Variants in AUTS2 observed in about 807,000 individuals in gnomAD.
The protein encoded by AUTS2 is activator of transcription and developmental regulator AUTS2, also known as autism susceptibility gene 2 protein.
AUTS2 carries 17 observed loss-of-function variants against 112.4 expected under a neutral mutation model. That is an observed-to-expected ratio of 0.15 (90% CI 0.10 to 0.23). The LOEUF is 0.23. AUTS2 is among the 10% of genes least tolerant of loss of function. AUTS2 has a pLI of 1.00. For missense variants in AUTS2, 1,510 were observed against 1,701.6 expected (o/e 0.89, Z 1.98); for synonymous variants, 751 against 702.7 (o/e 1.07, Z -1.09).
chr7:70,525,410 T>TTGAATGAA (rs67682986), intron 5 of AUTS2, among the ~76,000 whole-genome samples: 6 of 151,526 alleles, frequency 4.0e-5, no homozygotes, highest in African/African-American at 7.3e-5. Context: ...TGTATATTTG[T>TTGAATGAA]TGAATGAATG....
rs564047945 is a variant in AUTS2, at chr7:70,510,689, T to A, written c.690+74908T>A. On this transcript the variant is annotated intron_variant, in intron 5 of 18. Transcript: ENST00000342771. The stretch of plus-strand genomic sequence containing the variant: ...ATCCAGACATCTTCTATACCAGACA[T>A]TAAAGAAAATTGAAAAAAATGTAAA... 2.1e-4 allele frequency among the ~76,000 whole-genome samples: 32 copies of A among 152,260 alleles called. 1 individual carries two copies. Among genetic ancestry groups the A allele is most frequent in the African/African-American group, 7.5e-4 (31 of 41,546 alleles).
At chr7:70,290,679 C>T in intron 4 of AUTS2, 2 of 1,337,930 alleles carry the variant, frequency 1.5e-6, no homozygotes, top group African/African-American at 3.1e-5. Context: ...TTCCTCATCC[C>T]AATTCAGGTA....
At chr7:69,897,170 G>C (rs917828439) in intron 1 of AUTS2, among the ~76,000 whole-genome samples, 6 of 152,148 alleles carry the variant, frequency 3.9e-5, no homozygotes, top group Non-Finnish European at 8.8e-5. Context: ...TACAAGAAAG[G>C]TCTCCCTGAG....
At chr7:70,554,640 C>T (rs1801171680) in intron 5 of AUTS2, among the ~76,000 whole-genome samples, 1 of 152,142 alleles carries the variant, frequency 6.6e-6, no homozygotes, top group Non-Finnish European at 1.5e-5. Context: ...CTCTTACCTC[C>T]AGGGCTTTGT....
At chr7:70,169,136 A>G (rs919479665) in intron 4 of AUTS2, among the ~76,000 whole-genome samples, 2 of 152,202 alleles carry the variant, frequency 1.3e-5, no homozygotes, top group African/African-American at 4.8e-5. Flanking sequence ...ATTTGTTGAA[A>G]TAAGAGTTGT....
rs967274240 is a variant in AUTS2 at position 70,631,278 on chromosome 7, C to T, written c.691-67291C>T. On this transcript the variant is annotated intron_variant, in intron 5 of 18. Transcript: ENST00000342771. The surrounding 1 kb of genome is among the most constrained non-coding windows in gnomAD (Gnocchi z 4.5). ...AATACTTTACAGCAGGGCTGGGGCC[C>T]GGCTTGCTGCGGGCTGGCCGGGCTG... 1.3e-5 allele frequency among the ~76,000 whole-genome samples: 2 copies of T among 152,160 alleles called. No homozygotes were observed. The highest frequency in any genetic ancestry group is 1.9e-4 in the East Asian group (1 of 5,188).
At chr7:70,062,224 T>C (rs1274479038) in intron 2 of AUTS2, among the ~76,000 whole-genome samples, 1 of 151,946 alleles carries the variant, frequency 6.6e-6, no homozygotes, top group Non-Finnish European at 1.5e-5. Flanking sequence ...ATAAGACACA[T>C]ATTTGGCAGG....
intron 4 of AUTS2, among the ~76,000 whole-genome samples, chr7:70,272,921 C>G (rs892647972): frequency 2.0e-5 from 3 of 152,120 alleles, no homozygotes; most frequent in African/African-American, 7.2e-5. Context: ...CCTAGGAGTT[C>G]AAGACCAATC....
chr7:70,444,172 A>G (rs559300604), intron 5 of AUTS2, among the ~76,000 whole-genome samples: 1 of 152,326 alleles, frequency 6.6e-6, no homozygotes, highest in East Asian at 1.9e-4. Flanking sequence ...CAGGAGGGTC[A>G]TGAGCAGAGG....
Position 70,580,873 on chromosome 7 carries a change from T to G in AUTS2, c.691-117696T>G, listed in dbSNP as rs545196823. On this transcript the variant is annotated intron_variant, in intron 5 of 18. Transcript: ENST00000342771. ...GTCCGCTGAAAATGTATTTAAAGTT[T>G]TGTTTGTGTGCTTGTGCATTTGCCT... 3.9e-5 allele frequency among the ~76,000 whole-genome samples: 6 copies of G among 152,168 alleles called. No individual in the cohort carries two copies. In the South Asian group the frequency reaches 1.2e-3, roughly 32 times the overall value.
chr7:69,950,963 GTC>G (rs139709759), intron 2 of AUTS2, among the ~76,000 whole-genome samples: 2,325 of 152,034 alleles, frequency 0.015, 20 homozygotes, highest in Middle Eastern at 0.031. Context: ...AGCAAGACCT[GTC>G]TCTCTCTTTC....
At chr7:70,779,614 A>AGAT (rs1180399382) in intron 14 of AUTS2, among the ~76,000 whole-genome samples, 1 of 152,210 alleles carries the variant, frequency 6.6e-6, no homozygotes, top group Non-Finnish European at 1.5e-5. Context: ...CTGTCAATAT[A>AGAT]GATGCCCCCT....
intron 1 of AUTS2, among the ~76,000 whole-genome samples, chr7:69,606,752 A>G (rs1792742674): frequency 6.6e-6 from 1 of 152,228 alleles, no homozygotes. Context: ...TATGATAATG[A>G]ATTTGGTAAA....
intron 4 of AUTS2, among the ~76,000 whole-genome samples, chr7:70,308,469 G>A (rs930837223): frequency 2.6e-5 from 4 of 152,132 alleles, no homozygotes; most frequent in Non-Finnish European, 5.9e-5. Flanking sequence ...AGCTGAGAAA[G>A]GTTTATTTTA....
chr7:70,746,346 A>G (rs1275479202), intron 6 of AUTS2, among the ~76,000 whole-genome samples: 1 of 152,064 alleles, frequency 6.6e-6, no homozygotes, highest in Non-Finnish European at 1.5e-5. Context: ...GGGTTTCACC[A>G]TGTTGGTCAG....
intron 1 of AUTS2, among the ~76,000 whole-genome samples, chr7:69,649,791 C>T (rs1354497836): frequency 3.3e-5 from 5 of 151,986 alleles, no homozygotes; most frequent in Non-Finnish European, 7.4e-5. Flanking sequence ...TATAAGGAGG[C>T]GAATCTAACC....
At chr7:70,415,625 G>GT (rs978928496) in intron 4 of AUTS2, among the ~76,000 whole-genome samples, 1 of 152,152 alleles carries the variant, frequency 6.6e-6, no homozygotes, top group African/African-American at 2.4e-5. Flanking sequence ...AGTGGCTACC[G>GT]TAAGTGGCCT....
chr7:70,601,318 T>C (rs1229647207), intron 5 of AUTS2, among the ~76,000 whole-genome samples: 1 of 152,232 alleles, frequency 6.6e-6, no homozygotes, highest in African/African-American at 2.4e-5. Context: ...TTTGTACATC[T>C]GCTATGGAGA....
chr7:70,536,251 T>A (rs1427792847), intron 5 of AUTS2, among the ~76,000 whole-genome samples: 1 of 152,158 alleles, frequency 6.6e-6, no homozygotes, highest in African/African-American at 2.4e-5. Context: ...ATGGTGCCAC[T>A]GCACTCCAGT....
Sources: gnomAD v4.1 joint callset for allele counts (sites outside exome capture counted in the v4.1 genomes callset) on GRCh38, gnomAD v4.1.1 for gene constraint, Gnocchi (gnomAD v3.1) non-coding constraint, MANE v1.5 for transcripts, NCBI Gene and HGNC (gene_info 2026-07-23, HGNC 2026-07-21) for gene names.